The following SCMH1 variants were observed in gnomAD, a reference collection of about 807,000 sequenced individuals.
SCMH1 encodes the protein Scm polycomb group protein homolog 1, also known as polycomb protein SCMH1.
In SCMH1, 37 loss-of-function variants were observed where a neutral mutation model predicts 70.8. The observed-to-expected ratio is 0.52, with a 90% CI of 0.40 to 0.69. SCMH1 has a LOEUF of 0.69. Ranked by LOEUF, SCMH1 falls within the 30% of genes least tolerant of loss-of-function variation. The probability of loss-of-function intolerance (pLI) is 0.00; values close to 1 mark genes in which losing one functional copy is unlikely to be tolerated. For missense variants in SCMH1, 607 were observed against 827.3 expected, an observed-to-expected ratio of 0.73 and a Z score of 3.27; for synonymous variants, 292 against 307.4, an observed-to-expected ratio of 0.95 and a Z score of 0.52.
chr1:41,111,952 T>C (rs941666550), intron 8 of SCMH1, among the ~76,000 whole-genome samples: 3 of 152,198 alleles, frequency 2.0e-5, no homozygotes, highest in Admixed American at 1.3e-4. Flanking sequence ...TATATAGATG[T>C]CAAAACTTTT....
In SCMH1 at chr1:41,219,652, G is replaced by A. The variant is rs371491554; in HGVS notation, c.-118+22407C>T. 1.3e-3 allele frequency among the ~76,000 whole-genome samples: 193 copies of A among 152,286 alleles called. 7 individuals carry two copies. In the South Asian group the frequency reaches 0.036, roughly 28 times the overall value. On this transcript the variant is annotated intron_variant, in intron 1 of 14. Coordinates refer to ENST00000337495, the Ensembl canonical transcript of SCMH1. ...TACTATCAAATAGAAAAACGTGGCC[G>A]GGCACGGTGGCTCATGCCTGTAATC...
intron 1 of SCMH1, 107 bp downstream of exon 1, chr1:41,241,952 G>T (rs1441064037): frequency 1.3e-5 from 2 of 152,168 alleles, no homozygotes; most frequent in Non-Finnish European, 2.9e-5. Context: ...CCCGGCCCGG[G>T]GGAGCAGGCG....
At chr1:41,195,009 T>G (rs767365840) in intron 1 of SCMH1, among the ~76,000 whole-genome samples, 1 of 151,826 alleles carries the variant, frequency 6.6e-6, no homozygotes, top group Non-Finnish European at 1.5e-5. Context: ...CACATGCCTG[T>G]AATCCCACCT....
intron 8 of SCMH1, among the ~76,000 whole-genome samples, chr1:41,088,730 A>T (rs1558770174): frequency 6.6e-6 from 1 of 152,250 alleles, no homozygotes; most frequent in Non-Finnish European, 1.5e-5. Flanking sequence ...TAAGTACTTT[A>T]ACCATCTAAG....
chr1:41,225,194 C>G (rs1300856024), intron 1 of SCMH1, among the ~76,000 whole-genome samples: 1 of 152,152 alleles, frequency 6.6e-6, no homozygotes, highest in Non-Finnish European at 1.5e-5. Context: ...ACACACAGAG[C>G]TTTAATGCAA....
Position 41,161,038 on chromosome 1 carries a change from T to C in SCMH1, c.83-140A>G. On this transcript the variant is annotated intron_variant, in intron 3 of 14. Coordinates refer to ENST00000337495, the Ensembl canonical transcript of SCMH1. Reference sequence around the variant, plus strand: ...TCATCCTAAAAGACACTGAGATTCTTAGTAGTCATTGTGGAAGCACACCAC... The same window carrying C: ...TCATCCTAAAAGACACTGAGATTCTCAGTAGTCATTGTGGAAGCACACCAC... 5 of 959,308 alleles carry C rather than the reference T, an allele frequency of 5.2e-6. No individual in the cohort carries two copies. The South Asian group carries it at 7.8e-5, about 15-fold the overall frequency. The allele number at this position is 959,308 out of a possible 1,614,324, so 59.4% of individuals were successfully genotyped here.
intron 8 of SCMH1, among the ~76,000 whole-genome samples, chr1:41,106,803 C>T (rs1350607537): frequency 6.6e-6 from 1 of 151,856 alleles, no homozygotes; most frequent in African/African-American, 2.4e-5. Context: ...GATTCTCCTG[C>T]CTCAGCCTCC....
At chr1:41,082,146 C>CAAA (rs1660219103) in intron 8 of SCMH1, among the ~76,000 whole-genome samples, 1 of 151,320 alleles carries the variant, frequency 6.6e-6, no homozygotes, top group Admixed American at 6.6e-5. Flanking sequence ...AAACAGGACA[C>CAAA]AAAAAGCACT....
intron 4 of SCMH1, chr1:41,159,967 AT>A: frequency 2.0e-6 from 1 of 501,374 alleles, no homozygotes; most frequent in African/African-American, 2.0e-5. Flanking sequence ...TATTATCCCC[AT>A]TTTACAAATA....
chr1:41,077,677 G>A (rs943882347), intron 8 of SCMH1, among the ~76,000 whole-genome samples: 2 of 152,122 alleles, frequency 1.3e-5, no homozygotes, highest in South Asian at 2.1e-4. Context: ...AAGAGGGTCC[G>A]TGTCCAAAAA....
chr1:41,128,713 A>AT (rs1278387318), intron 6 of SCMH1, among the ~76,000 whole-genome samples: 1 of 151,858 alleles, frequency 6.6e-6, no homozygotes, highest in African/African-American at 2.4e-5. Context: ...GTATTCAAAA[A>AT]TTTTTCAAGC....
intron 6 of SCMH1, among the ~76,000 whole-genome samples, chr1:41,117,325 A>G (rs1557516248): frequency 6.6e-6 from 1 of 152,232 alleles, no homozygotes; most frequent in Admixed American, 6.5e-5. Flanking sequence ...AGAAGTGACC[A>G]GAAGACAAGA....
intron 1 of SCMH1, among the ~76,000 whole-genome samples, chr1:41,228,874 G>A (rs1660776888): frequency 6.6e-6 from 1 of 152,220 alleles, no homozygotes; most frequent in South Asian, 2.1e-4. Context: ...TAGGCAAAGT[G>A]TTCAGATGCA....
intron 8 of SCMH1, among the ~76,000 whole-genome samples, chr1:41,078,884 G>A (rs972607973): frequency 9.9e-5 from 15 of 152,104 alleles, no homozygotes; most frequent in African/African-American, 3.6e-4. Flanking sequence ...TGATACAAAA[G>A]GATACTGATT....
intron 11 of SCMH1, among the ~76,000 whole-genome samples, chr1:41,047,826 T>A (rs975166365): frequency 5.9e-5 from 9 of 152,226 alleles, no homozygotes; most frequent in African/African-American, 2.2e-4. Flanking sequence ...TTCTCACAGT[T>A]AGCTATGTAT....
At chr1:41,104,460 CA>C (rs1201950027) in intron 8 of SCMH1, among the ~76,000 whole-genome samples, 1 of 152,016 alleles carries the variant, frequency 6.6e-6, no homozygotes, top group Non-Finnish European at 1.5e-5. Flanking sequence ...TTAAAGGCAC[CA>C]AAAAGTTAGC....
At chr1:41,130,811 G>A (rs1674495722) in intron 6 of SCMH1, among the ~76,000 whole-genome samples, 1 of 152,074 alleles carries the variant, frequency 6.6e-6, no homozygotes, top group African/African-American at 2.4e-5. Flanking sequence ...ACTTCAAGCT[G>A]GACTCTGGAA....
chr1:41,112,811 C>T (rs1010856349), intron 8 of SCMH1, among the ~76,000 whole-genome samples: 2 of 152,146 alleles, frequency 1.3e-5, no homozygotes, highest in Non-Finnish European at 2.9e-5. Flanking sequence ...TGATAAAAGG[C>T]AAAGATGGAC....
At chr1:41,180,200 T>C (rs2148591462) in intron 2 of SCMH1, among the ~76,000 whole-genome samples, 1 of 152,296 alleles carries the variant, frequency 6.6e-6, no homozygotes, top group East Asian at 1.9e-4. Context: ...AATTAGGTAT[T>C]GATGGGACAT....
Sources: gnomAD v4.1 joint callset for allele counts (sites outside exome capture counted in the v4.1 genomes callset) on GRCh38, gnomAD v4.1.1 for gene constraint, MANE v1.5 for transcripts, NCBI Gene and HGNC (gene_info 2026-07-23, HGNC 2026-07-21) for gene names.